The following DPP6 variants were observed in gnomAD, a reference collection of about 807,000 sequenced individuals.
The protein encoded by DPP6 is dipeptidyl peptidase like 6.
Under a neutral mutation model 122.6 loss-of-function variants are expected in DPP6, and 69 were observed. The ratio of observed to expected loss-of-function variants is 0.56; its 90% CI spans 0.46 to 0.69. The LOEUF is 0.69. Ranked by LOEUF, DPP6 falls within the 30% of genes least tolerant of loss-of-function variation. DPP6 has a pLI of 0.00. For missense variants in DPP6, 928 were observed against 1,116.9 expected, an observed-to-expected ratio of 0.83 and a Z score of 2.41; for synonymous variants, 418 against 433.1, an observed-to-expected ratio of 0.97 and a Z score of 0.43.
intron 5 of DPP6, among the ~76,000 whole-genome samples, chr7:154,623,563 ACG>A (rs1834839279): frequency 8.7e-6 from 1 of 115,572 alleles, no homozygotes; most frequent in Non-Finnish European, 1.9e-5. Flanking sequence ...CACACGCAAC[ACG>A]CACACACACA....
chr7:153,749,034 T>C, the DPP6 span, among the ~76,000 whole-genome samples: 1 of 152,022 alleles, frequency 6.6e-6, no homozygotes, highest in Non-Finnish European at 1.5e-5. This position sits in a 1 kb window ranked among gnomAD's most constrained non-coding sequence, Gnocchi z 4.1. Context: ...CGGAGGGGGC[T>C]TGTGCGGGGG....
chr7:154,526,875 G>A (rs78610482), intron 3 of DPP6, among the ~76,000 whole-genome samples: 4,160 of 152,214 alleles, frequency 0.027, 87 homozygotes, highest in South Asian at 0.083. Flanking sequence ...ACTTTGCAGC[G>A]AAAAATTTCA....
At chr7:154,267,373 A>ATTATG (rs934603576) in intron 1 of DPP6, among the ~76,000 whole-genome samples, 1 of 137,656 alleles carries the variant, frequency 7.3e-6, no homozygotes, top group African/African-American at 2.7e-5. Flanking sequence ...AACAAATTAT[A>ATTATG]TATATATTTA....
At chr7:154,372,063 G>A (rs1812720385) in intron 1 of DPP6, among the ~76,000 whole-genome samples, 1 of 152,136 alleles carries the variant, frequency 6.6e-6, no homozygotes, top group Middle Eastern at 3.4e-3. Context: ...TAGCAGAGAT[G>A]AGACCACCCC....
chr7:154,795,784 CAA>C (rs376336221), intron 11 of DPP6, 59 bp from the exon 12 acceptor site: 133 of 1,173,490 alleles, frequency 1.1e-4, no homozygotes, highest in Admixed American at 4.2e-4. Context: ...ACAATACATG[CAA>C]AAAAAAAAAA....
rs143674380 is a variant in DPP6 at position 154,394,361 on chromosome 7, A to G, written c.244-51853A>G. On this transcript the variant is annotated intron_variant, in intron 1 of 25. Coordinates refer to ENST00000377770, the MANE Select transcript of DPP6 (RefSeq NM_130797.4). ...GATTAGTGGTGTTGAGCATCATTTCATATGCTATTTGGCCATTTGTGTACC... is the reference window on the plus strand; with the variant it reads ...GATTAGTGGTGTTGAGCATCATTTCGTATGCTATTTGGCCATTTGTGTACC... Among the ~76,000 whole-genome samples, 7 of 152,246 alleles carry G rather than the reference A, an allele frequency of 4.6e-5. No individual in the cohort carries two copies. In the East Asian group the frequency reaches 1.4e-3, roughly 29 times the overall value.
At chr7:153,812,307 A>G in the DPP6 span, among the ~76,000 whole-genome samples, 4 of 151,982 alleles carry the variant, frequency 2.6e-5, no homozygotes, top group African/African-American at 4.8e-5. Flanking sequence ...TCCTTAAAAC[A>G]TGATACCTAT....
intron 1 of DPP6, among the ~76,000 whole-genome samples, chr7:154,377,708 TC>T (rs113166025): frequency 0.039 from 5,932 of 152,272 alleles, 209 homozygotes; most frequent in East Asian, 0.11. Flanking sequence ...ATTGTAAGTT[TC>T]CTGAGGCCTC....
intron 1 of DPP6, among the ~76,000 whole-genome samples, chr7:154,236,669 A>C (rs1234637738): frequency 6.6e-6 from 1 of 152,086 alleles, no homozygotes; most frequent in Admixed American, 6.6e-5. Context: ...CCTTATGTGG[A>C]CTCATGGAAA....
intron 1 of DPP6, among the ~76,000 whole-genome samples, chr7:154,428,214 T>C (rs2151246416): frequency 6.6e-6 from 1 of 152,344 alleles, no homozygotes; most frequent in Middle Eastern, 3.4e-3. Flanking sequence ...ATTTCAATAC[T>C]CTTATTTTTA....
At chr7:153,966,175 G>C (rs1585103572) in intron 1 of DPP6, among the ~76,000 whole-genome samples, 1 of 132,946 alleles carries the variant, frequency 7.5e-6, no homozygotes, top group Non-Finnish European at 1.6e-5. Context: ...TCAGTTGTTG[G>C]AGAATCTTTC....
At chr7:154,501,922 G>A (rs773504045) in intron 3 of DPP6, among the ~76,000 whole-genome samples, 1 of 143,004 alleles carries the variant, frequency 7.0e-6, no homozygotes, top group African/African-American at 2.6e-5. Context: ...CTGAAGGGAG[G>A]CTGTCCCCTG....
At chr7:154,720,730 T>C (rs1378758636) in intron 7 of DPP6, among the ~76,000 whole-genome samples, 2 of 152,206 alleles carry the variant, frequency 1.3e-5, no homozygotes, top group Admixed American at 1.3e-4. Context: ...ACTGGCTGAG[T>C]GCCCACAGGG....
chr7:154,459,587 T>G (rs997548861), intron 2 of DPP6, among the ~76,000 whole-genome samples: 1 of 151,984 alleles, frequency 6.6e-6, no homozygotes, highest in African/African-American at 2.4e-5. Flanking sequence ...CTCAGCACTT[T>G]GGGAGGCCGA....
At chr7:153,868,749 G>T in the DPP6 span, among the ~76,000 whole-genome samples, 1 of 152,120 alleles carries the variant, frequency 6.6e-6, no homozygotes, top group Non-Finnish European at 1.5e-5. Context: ...ATGTTAGGGT[G>T]TCAATTTTAG....
At chr7:154,867,931 G>C (rs939822488) in intron 17 of DPP6, 64 bp from the exon 18 acceptor site, 1 of 1,503,326 alleles carries the variant, frequency 6.7e-7, no homozygotes, top group African/African-American at 1.4e-5. Context: ...AAAAGCCATG[G>C]CCCGCAGAGG....
At chr7:154,132,249 C>T (rs1420077346) in intron 1 of DPP6, among the ~76,000 whole-genome samples, 1 of 152,102 alleles carries the variant, frequency 6.6e-6, no homozygotes, top group African/African-American at 2.4e-5. Context: ...TAATATTGAT[C>T]TGACTATGTA....
chr7:154,072,352 A>G (rs201840679), intron 1 of DPP6, among the ~76,000 whole-genome samples: 36,603 of 151,532 alleles, frequency 0.24, 5,134 homozygotes, highest in Non-Finnish European at 0.3. Context: ...CAGAGGTGTG[A>G]CCTTCCAGAC....
At chr7:154,021,483 A>G (rs1798697660) in intron 1 of DPP6, among the ~76,000 whole-genome samples, 2 of 152,182 alleles carry the variant, frequency 1.3e-5, no homozygotes, top group African/African-American at 4.8e-5. Context: ...GAAGTCACGT[A>G]AGAGACCTGG....
Sources: gnomAD v4.1 joint callset for allele counts (sites outside exome capture counted in the v4.1 genomes callset) on GRCh38, gnomAD v4.1.1 for gene constraint, Gnocchi (gnomAD v3.1) non-coding constraint, MANE v1.5 for transcripts, NCBI Gene and HGNC (gene_info 2026-07-23, HGNC 2026-07-21) for gene names.